The following STAU2 variants were observed in gnomAD, a reference collection of about 807,000 sequenced individuals.
The protein encoded by STAU2 is double-stranded RNA-binding protein Staufen homolog 2.
A neutral mutation model predicts 65.9 loss-of-function variants in STAU2; 20 were observed. The ratio of observed to expected loss-of-function variants is 0.30; its 90% CI spans 0.21 to 0.44. The LOEUF is 0.44. Ranked by LOEUF, STAU2 falls within the 20% of genes least tolerant of loss-of-function variation. STAU2 has a pLI of 1.00. For missense variants in STAU2, 558 were observed against 683.9 expected, an observed-to-expected ratio of 0.82 and a Z score of 2.05; for synonymous variants, 232 against 233.9, an observed-to-expected ratio of 0.99 and a Z score of 0.07.
intron 4 of STAU2, among the ~76,000 whole-genome samples, chr8:73,689,155 G>A (rs562147349): frequency 1.3e-5 from 2 of 152,298 alleles, no homozygotes; most frequent in South Asian, 2.1e-4. Context: ...AAGAGAAACT[G>A]TAAGAGAAGC....
intron 7 of STAU2, among the ~76,000 whole-genome samples, chr8:73,616,742 G>A (rs1465052777): frequency 1.3e-5 from 2 of 151,886 alleles, no homozygotes; most frequent in African/African-American, 4.8e-5. Context: ...AGGTTGCAGT[G>A]AGCTGAGATC....
chr8:73,744,870 T>C (rs1807163481), intron 1 of STAU2, among the ~76,000 whole-genome samples: 1 of 152,240 alleles, frequency 6.6e-6, no homozygotes, highest in Non-Finnish European at 1.5e-5. Flanking sequence ...TTATTCTTAT[T>C]CTTGCCATTT....
chr8:73,663,086 C>G (rs1457670334), intron 6 of STAU2, among the ~76,000 whole-genome samples: 1 of 152,164 alleles, frequency 6.6e-6, no homozygotes, highest in Non-Finnish European at 1.5e-5. Context: ...CAGCAAACTT[C>G]TGTAAAGGGC....
intron 6 of STAU2, among the ~76,000 whole-genome samples, chr8:73,629,676 AAC>A (rs1251318306): frequency 1.3e-5 from 2 of 152,216 alleles, no homozygotes; most frequent in Non-Finnish European, 2.9e-5. Context: ...GGCTATGAGT[AAC>A]ACACTTTGGG....
At chr8:73,603,949 A>AC in intron 9 of STAU2, 86 bp from the exon 10 acceptor site, 2 of 1,336,184 alleles carry the variant, frequency 1.5e-6, no homozygotes, top group Non-Finnish European at 2.0e-6. Context: ...TCTTCCCTCC[A>AC]CCCCCACACC....
At chr8:73,466,255 A>G (rs1819646567) in intron 13 of STAU2, among the ~76,000 whole-genome samples, 1 of 152,198 alleles carries the variant, frequency 6.6e-6, no homozygotes, top group Non-Finnish European at 1.5e-5. Flanking sequence ...TCATGGAGTT[A>G]CCCATGCATC....
At chr8:73,703,833 C>G (rs752819427) in intron 4 of STAU2, among the ~76,000 whole-genome samples, 1 of 151,990 alleles carries the variant, frequency 6.6e-6, no homozygotes, top group African/African-American at 2.4e-5. Context: ...CGACAAGGAA[C>G]GAAAAAATGT....
chr8:73,432,238 T>C (rs1164240297), intron 13 of STAU2, among the ~76,000 whole-genome samples: 2 of 152,230 alleles, frequency 1.3e-5, no homozygotes, highest in Non-Finnish European at 2.9e-5. Context: ...CTGATCTAAC[T>C]GCTAGATTCA....
chr8:73,707,020 T>C (rs991024705), intron 4 of STAU2, among the ~76,000 whole-genome samples: 3 of 152,206 alleles, frequency 2.0e-5, no homozygotes, highest in Admixed American at 6.5e-5. Context: ...ATAGGGATGA[T>C]GTCACTAACT....
At chr8:73,511,728 ATGT>A (rs1223341227) in intron 13 of STAU2, 1 of 152,204 alleles carries the variant, frequency 6.6e-6, no homozygotes, top group Non-Finnish European at 1.5e-5. Context: ...TTTCTTAATA[ATGT>A]TGTTAATGCA....
chr8:73,519,543 CTAAGGCCAATT>C (rs1372275755), intron 13 of STAU2, among the ~76,000 whole-genome samples: 7 of 152,100 alleles, frequency 4.6e-5, no homozygotes, highest in Admixed American at 4.6e-4. Context: ...TGATGGATTT[CTAAGGCCAATT>C]ACATGTATTT....
chr8:73,448,440 GC>G (rs1818600621), intron 13 of STAU2, among the ~76,000 whole-genome samples: 1 of 152,126 alleles, frequency 6.6e-6, no homozygotes, highest in South Asian at 2.1e-4. Flanking sequence ...ACGCCGCCAC[GC>G]CCGGCTAATT....
intron 13 of STAU2, among the ~76,000 whole-genome samples, chr8:73,423,489 C>A (rs1408775093): frequency 6.6e-6 from 1 of 152,178 alleles, no homozygotes; most frequent in Non-Finnish European, 1.5e-5. Flanking sequence ...AAGCCCGACA[C>A]TGCTGAGTGA....
rs1224091002 is a variant in STAU2, at chr8:73,744,368, G to C, written c.-197+2415C>G. The stretch of plus-strand genomic sequence containing the variant: ...ATGCAGTCTAAGAGAATTCAATTTT[G>C]CAGTATCTAGAGTTTTCCCTCTTTA... On this transcript the variant is annotated intron_variant, in intron 1 of 14. Transcript: ENST00000524300. Among the ~76,000 whole-genome samples the C allele has an allele frequency of 2.6e-5, 4 of 151,642 alleles. No homozygotes were observed. The East Asian group carries it at 7.8e-4, about 29-fold the overall frequency.
At position 73,724,284 on chromosome 8, in the gene STAU2, C is replaced by A. The variant is rs917948968; in HGVS notation, c.-18+14000G>T. On this transcript the variant is annotated intron_variant, in intron 3 of 14. Coordinates refer to ENST00000524300, the MANE Select transcript of STAU2 (RefSeq NM_001164380.2). ...GATTGTTTCAAGAGGACAGTAAACA[C>A]GATCCTTGTTACACCACATGGACCA... Among the ~76,000 whole-genome samples, 42 of 152,108 alleles carry A rather than the reference C, an allele frequency of 2.8e-4. 1 individual carries two copies.
intron 12 of STAU2, among the ~76,000 whole-genome samples, chr8:73,554,858 T>C (rs190534051): frequency 2.8e-4 from 42 of 152,350 alleles, no homozygotes; most frequent in Admixed American, 2.3e-3. Flanking sequence ...TCTATCTTCA[T>C]CTACGAAATA....
At chr8:73,717,540 T>C (rs1257735440) in intron 3 of STAU2, among the ~76,000 whole-genome samples, 2 of 152,252 alleles carry the variant, frequency 1.3e-5, no homozygotes, top group Non-Finnish European at 2.9e-5. Flanking sequence ...TGCCTTTATG[T>C]CTTTGTCAAA....
intron 9 of STAU2, among the ~76,000 whole-genome samples, chr8:73,605,852 CACACACACACACACACACACACACAT>C (rs1404271522): frequency 1.0e-4 from 7 of 66,788 alleles, no homozygotes; most frequent in African/African-American, 3.8e-4. Context: ...TACACACACA[CACACACACACACACACACACACACAT>C]ACACACACAC....
chr8:73,447,228 GC>G (rs1818515494), intron 13 of STAU2, among the ~76,000 whole-genome samples: 1 of 152,226 alleles, frequency 6.6e-6, no homozygotes, highest in Non-Finnish European at 1.5e-5. Context: ...ACAGGCATGA[GC>G]CACCGCAACC....
Sources: allele counts gnomAD v4.1 joint callset (sites outside exome capture counted in the v4.1 genomes callset), GRCh38; gene constraint gnomAD v4.1.1; transcripts MANE v1.5; gene names NCBI Gene and HGNC (gene_info 2026-07-23, HGNC 2026-07-21).